The following LRRIQ1 variants were observed in gnomAD, a reference collection of about 807,000 sequenced individuals.
LRRIQ1 encodes the protein leucine-rich repeat- and IQ domain-containing protein 1.
LRRIQ1 carries 210 observed loss-of-function variants against 211.9 expected under a neutral mutation model. The observed-to-expected ratio is 0.99, with a 90% CI of 0.89 to 1.11. The LOEUF is 1.11. Ranked by LOEUF, LRRIQ1 falls within the 50% of genes most tolerant of loss-of-function variation. The pLI, the probability that LRRIQ1 is intolerant of heterozygous loss-of-function variation, is 0.00. For synonymous variants in LRRIQ1, 699 were observed against 650.1 expected, an observed-to-expected ratio of 1.08 and a Z score of -1.14; for missense variants, 2,136 against 1,939.5, an observed-to-expected ratio of 1.10 and a Z score of -1.90.
chr12:85,119,339 GTTCAC>G (rs1330694073), intron 15 of LRRIQ1, among the ~76,000 whole-genome samples: 3 of 151,906 alleles, frequency 2.0e-5, no homozygotes, highest in Non-Finnish European at 4.4e-5. Context: ...TGGCTTCCTA[GTTCAC>G]TTCATTTTAG....
chr12:85,152,925 C>T, intron 20 of LRRIQ1, 99 bp from the exon 21 acceptor site: 1 of 679,702 alleles, frequency 1.5e-6, no homozygotes, highest in East Asian at 3.1e-5. Context: ...AATGAGTTTC[C>T]CTTAGGAGGC....
chr12:85,111,636 C>T (rs1438498030), intron 15 of LRRIQ1, among the ~76,000 whole-genome samples: 1 of 152,024 alleles, frequency 6.6e-6, no homozygotes, highest in Non-Finnish European at 1.5e-5. Flanking sequence ...CAATAGAGAA[C>T]ATTTGAATAT....
At chr12:85,206,250 G>C (rs1173894419) in intron 24 of LRRIQ1, among the ~76,000 whole-genome samples, 2 of 152,220 alleles carry the variant, frequency 1.3e-5, no homozygotes, top group African/African-American at 4.8e-5. Flanking sequence ...GTTTCCACCT[G>C]CAGCAGTGTG....
intron 24 of LRRIQ1, among the ~76,000 whole-genome samples, chr12:85,203,734 T>C (rs1893405866): frequency 6.6e-6 from 1 of 152,036 alleles, no homozygotes; most frequent in Non-Finnish European, 1.5e-5. Context: ...GTGGAAGAAA[T>C]TTCTAAGCAG....
chr12:85,055,835 G>T lies in LRRIQ1; in HGVS notation c.1042G>T (p.Glu348Ter). ...RLEEEQRIKE[E>*]RKKQKEEERK... ...AGAGGAGGAACAAAGGATAAAAGAA[G>T]AGAGAAAAAAGCAAAAGGAAGAGGA... The change falls in exon 8 of 27, where the codon GAG becomes TAG. Residue 348 changes from glutamate (E) to a stop codon, truncating the protein, a stop_gained. Transcript: ENST00000393217. LOFTEE classifies it high-confidence loss of function. 6.3e-7 allele frequency: 1 copy of T among 1,576,574 alleles called. No homozygotes were observed.
At chr12:85,041,953 AT>A (rs1479957444) in intron 3 of LRRIQ1, among the ~76,000 whole-genome samples, 1 of 151,882 alleles carries the variant, frequency 6.6e-6, no homozygotes, top group East Asian at 1.9e-4. Context: ...GGCTCCAAGA[AT>A]TTTGTCCCGA....
chr12:85,101,919 G>A (rs946439362), intron 13 of LRRIQ1, among the ~76,000 whole-genome samples: 6 of 151,178 alleles, frequency 4.0e-5, no homozygotes, highest in East Asian at 1.9e-4. Context: ...ATATGTTACC[G>A]TATAACTTAC....
chr12:85,103,201 G>T (rs1886519330), intron 13 of LRRIQ1, among the ~76,000 whole-genome samples: 1 of 150,054 alleles, frequency 6.7e-6, no homozygotes, highest in South Asian at 2.1e-4. Flanking sequence ...TTTGAATATG[G>T]GTTTTCGATA....
At chr12:85,245,887 A>T (rs909670897), downstream of LRRIQ1, among the ~76,000 whole-genome samples, 1 of 151,054 alleles carries the variant, frequency 6.6e-6, no homozygotes, top group South Asian at 2.1e-4. Flanking sequence ...ACATATATAT[A>T]TAGAGAGAGA....
In LRRIQ1 at chr12:85,242,027, C is replaced by A. The variant is rs1343474635; in HGVS notation, c.5017-2762C>A. Among the ~76,000 whole-genome samples, 19 of 151,940 alleles carry A rather than the reference C, an allele frequency of 1.3e-4. No homozygotes were observed. The Admixed American group carries it at 1.3e-3, about 10-fold the overall frequency. On this transcript the variant is annotated intron_variant, in intron 26 of 26. Transcript: ENST00000393217. ...GCGGAAGTGGGGAGAGCGGCAATTACAAACCTTGTAGGTAGGGCGATAAAA... is the reference window on the plus strand; with the variant it reads ...GCGGAAGTGGGGAGAGCGGCAATTAAAAACCTTGTAGGTAGGGCGATAAAA...
chr12:85,161,986 C>A (rs1277297079), intron 24 of LRRIQ1, among the ~76,000 whole-genome samples: 2 of 151,856 alleles, frequency 1.3e-5, no homozygotes, highest in East Asian at 3.9e-4. Flanking sequence ...TTGCAGTGAG[C>A]CAAGATCGCG....
intron 24 of LRRIQ1, among the ~76,000 whole-genome samples, chr12:85,177,093 C>T (rs1453602076): frequency 6.6e-6 from 1 of 152,030 alleles, no homozygotes; most frequent in Admixed American, 6.6e-5. Context: ...TAATATACAC[C>T]ACATAAAGTC....
intron 24 of LRRIQ1, among the ~76,000 whole-genome samples, chr12:85,201,032 T>C (rs939072527): frequency 2.0e-5 from 3 of 151,786 alleles, no homozygotes; most frequent in Non-Finnish European, 2.9e-5. Flanking sequence ...GGTTTCACCA[T>C]GTTGGCCAGG....
chr12:85,131,129 T>C (rs562013974), intron 18 of LRRIQ1, among the ~76,000 whole-genome samples: 2 of 151,266 alleles, frequency 1.3e-5, no homozygotes, highest in East Asian at 3.9e-4. Context: ...GAGAATCTCT[T>C]GAACCCAGAG....
At chr12:85,146,227 G>T (rs550574658) in intron 19 of LRRIQ1, among the ~76,000 whole-genome samples, 87 of 151,824 alleles carry the variant, frequency 5.7e-4, no homozygotes, top group Non-Finnish European at 1.0e-3. Flanking sequence ...ATGCTTTCTA[G>T]GGCTATAGTG....
At chr12:85,148,911 C>CT (rs905441248) in intron 19 of LRRIQ1, among the ~76,000 whole-genome samples, 1 of 151,824 alleles carries the variant, frequency 6.6e-6, no homozygotes, top group Non-Finnish European at 1.5e-5. Flanking sequence ...TAATGTTGAA[C>CT]TTTTTTTTAT....
chr12:85,266,080 A>T (rs1896411551), downstream of LRRIQ1, among the ~76,000 whole-genome samples: 3 of 152,052 alleles, frequency 2.0e-5, no homozygotes, highest in South Asian at 6.2e-4. Context: ...TTAACCCTTG[A>T]TTTCCTGTAC....
chr12:85,174,836 G>C (rs1891611303), intron 24 of LRRIQ1, among the ~76,000 whole-genome samples: 1 of 151,700 alleles, frequency 6.6e-6, no homozygotes, highest in Non-Finnish European at 1.5e-5. Context: ...CCATTTTCCA[G>C]GCCCACTAAA....
intron 8 of LRRIQ1, among the ~76,000 whole-genome samples, chr12:85,058,230 C>G (rs922159699): frequency 6.6e-6 from 1 of 151,872 alleles, no homozygotes; most frequent in African/African-American, 2.4e-5. Context: ...GAGATGAGAA[C>G]TGGGACATAC....
Sources: gnomAD v4.1 joint callset for allele counts (sites outside exome capture counted in the v4.1 genomes callset) on GRCh38, gnomAD v4.1.1 for gene constraint, MANE v1.5 for transcripts, NCBI Gene and HGNC (gene_info 2026-07-23, HGNC 2026-07-21) for gene names.